Variants in CLASP1 observed in about 807,000 individuals in gnomAD.
CLASP1 encodes cytoplasmic linker associated protein 1, also known as CLIP-associating protein 1.
Under a neutral mutation model 192.3 loss-of-function variants are expected in CLASP1, and 38 were observed. The ratio of observed to expected loss-of-function variants is 0.20; its 90% CI spans 0.15 to 0.26. CLASP1 has a LOEUF of 0.26. Among genes scored for constraint, CLASP1 ranks in the 10% least tolerant of loss-of-function variants. CLASP1 has a pLI of 1.00. For missense variants in CLASP1, 1,433 were observed against 1,932.5 expected (o/e 0.74, Z 4.85); for synonymous variants, 691 against 712.8 (o/e 0.97, Z 0.49).
chr2:121,394,072 G>A (rs1033673049), intron 30 of CLASP1, among the ~76,000 whole-genome samples: 12 of 152,060 alleles, frequency 7.9e-5, no homozygotes, highest in Non-Finnish European at 1.3e-4. Flanking sequence ...ACACTAAGAC[G>A]GCCCCTAAGA....
At chr2:121,442,668 C>T (rs558253324) in intron 19 of CLASP1, among the ~76,000 whole-genome samples, 32 of 152,068 alleles carry the variant, frequency 2.1e-4, no homozygotes, top group African/African-American at 7.0e-4. Flanking sequence ...TTAATAGAGA[C>T]GGGGTTTCAC....
intron 8 of CLASP1, among the ~76,000 whole-genome samples, chr2:121,485,376 C>T (rs1205938623): frequency 6.6e-6 from 1 of 152,206 alleles, no homozygotes; most frequent in Non-Finnish European, 1.5e-5. Flanking sequence ...CCCTCATGGC[C>T]ACCAGCATAT....
intron 39 of CLASP1, 28 bp downstream of exon 40, chr2:121,347,010 G>T: frequency 1.5e-6 from 2 of 1,377,376 alleles, no homozygotes; most frequent in Non-Finnish European, 2.0e-6. Context: ...CCAGGTGTGC[G>T]TATCAGCCCA....
intron 1 of CLASP1, among the ~76,000 whole-genome samples, chr2:121,615,385 C>T (rs779557141): frequency 2.0e-5 from 3 of 151,774 alleles, no homozygotes; most frequent in Non-Finnish European, 4.4e-5. Flanking sequence ...GGAAAAACAG[C>T]ATAAGTAAAA....
At chr2:121,468,413 A>G (rs1221866300) in intron 9 of CLASP1, among the ~76,000 whole-genome samples, 2 of 152,128 alleles carry the variant, frequency 1.3e-5, no homozygotes, top group African/African-American at 4.8e-5. Context: ...ATGAGCATGG[A>G]CTGTTTTTCC....
intron 37 of CLASP1, among the ~76,000 whole-genome samples, chr2:121,356,109 C>G (rs567773673): frequency 1.3e-5 from 2 of 152,056 alleles, no homozygotes; most frequent in African/African-American, 2.4e-5. Flanking sequence ...TGATCTGGCT[C>G]TGTCACAGAC....
intron 7 of CLASP1, among the ~76,000 whole-genome samples, chr2:121,508,595 T>C (rs1367386758): frequency 6.6e-6 from 1 of 152,190 alleles, no homozygotes; most frequent in African/African-American, 2.4e-5. Flanking sequence ...AACTTTATAG[T>C]GTCTACAAGA....
At chr2:121,466,387 A>G (rs889809250) in intron 9 of CLASP1, among the ~76,000 whole-genome samples, 3 of 152,184 alleles carry the variant, frequency 2.0e-5, no homozygotes, top group Admixed American at 6.5e-5. Context: ...TCTGGTCAAG[A>G]TACCAATATT....
chr2:121,648,134 G>C (rs1394409377), intron 1 of CLASP1, among the ~76,000 whole-genome samples: 1 of 152,190 alleles, frequency 6.6e-6, no homozygotes, highest in African/African-American at 2.4e-5. Context: ...CCAATCCCTT[G>C]ATGAGCAAAC....
chr2:121,348,432 G>A (rs533363527), intron 38 of CLASP1, 80 bp downstream of exon 39: 18 of 1,279,982 alleles, frequency 1.4e-5, no homozygotes, highest in Non-Finnish European at 1.8e-5. Flanking sequence ...AGTGAAGGAG[G>A]AGCACAAAGC....
intron 8 of CLASP1, among the ~76,000 whole-genome samples, chr2:121,502,935 G>A (rs768668646): frequency 1.1e-4 from 16 of 152,208 alleles, no homozygotes; most frequent in Admixed American, 4.6e-4. Context: ...TCAGGACGCA[G>A]TTTTAAAAGT....
chr2:121,433,195 G>A (rs2081742422), intron 19 of CLASP1, among the ~76,000 whole-genome samples: 1 of 151,986 alleles, frequency 6.6e-6, no homozygotes, highest in African/African-American at 2.4e-5. Context: ...GGTGGCGCAT[G>A]TCTGTAATCC....
chr2:121,505,493 TAA>T (rs2093915736), intron 7 of CLASP1: 1 of 152,066 alleles, frequency 6.6e-6, no homozygotes, highest in South Asian at 2.1e-4. Context: ...GGTTACCACC[TAA>T]AGAGACAGTC....
At chr2:121,425,111 G>C (rs1465855049) in intron 22 of CLASP1, 28 bp downstream of exon 22, 1 of 1,574,112 alleles carries the variant, frequency 6.4e-7, no homozygotes, top group South Asian at 1.2e-5. Context: ...GCTGGGAATG[G>C]TATTCCAAGA....
At chr2:121,353,018 A>G (rs2064785928) in intron 37 of CLASP1, among the ~76,000 whole-genome samples, 1 of 152,198 alleles carries the variant, frequency 6.6e-6, no homozygotes, top group Non-Finnish European at 1.5e-5. Context: ...CCAGCTTGGT[A>G]TATTTTAGCT....
At chr2:121,494,996 T>C (rs547412384) in intron 8 of CLASP1, among the ~76,000 whole-genome samples, 1 of 151,988 alleles carries the variant, frequency 6.6e-6, no homozygotes, top group South Asian at 2.1e-4. Flanking sequence ...CACTCCAGCC[T>C]GGGTGACAGA....
intron 8 of CLASP1, among the ~76,000 whole-genome samples, chr2:121,500,438 A>G (rs1445495935): frequency 6.6e-6 from 1 of 151,372 alleles, no homozygotes; most frequent in African/African-American, 2.4e-5. Context: ...AGAAAAGAAA[A>G]GAGGGAAGGA....
intron 14 of CLASP1, among the ~76,000 whole-genome samples, chr2:121,452,376 T>C (rs966489340): frequency 6.6e-6 from 1 of 152,228 alleles, no homozygotes; most frequent in African/African-American, 2.4e-5. Context: ...AACCAACCAA[T>C]AGAAGGATGT....
chr2:121,350,877 T>C (rs1487293888), intron 37 of CLASP1, among the ~76,000 whole-genome samples: 1 of 152,236 alleles, frequency 6.6e-6, no homozygotes, highest in Non-Finnish European at 1.5e-5. Flanking sequence ...CTCTTCATAC[T>C]TTTTAGATAG....
Sources: gnomAD v4.1 joint callset for allele counts (sites outside exome capture counted in the v4.1 genomes callset) on GRCh38, gnomAD v4.1.1 for gene constraint, MANE v1.5 for transcripts, NCBI Gene and HGNC (gene_info 2026-07-23, HGNC 2026-07-21) for gene names.